Variants in ARAP2 observed in about 807,000 individuals in gnomAD.
The protein encoded by ARAP2 is ArfGAP with RhoGAP domain, ankyrin repeat and PH domain 2.
In ARAP2, 148 loss-of-function variants were observed where a neutral mutation model predicts 194.5. That is an observed-to-expected ratio of 0.76 (90% confidence interval 0.67 to 0.87). The LOEUF is 0.87. ARAP2 is among the 40% of genes least tolerant of loss of function. The probability of loss-of-function intolerance (pLI) is 0.00; values close to 1 mark genes in which losing one functional copy is unlikely to be tolerated. For missense variants in ARAP2, 2,128 were observed against 1,989.7 expected (o/e 1.07, Z -1.32); for synonymous variants, 695 against 683.5 (o/e 1.02, Z -0.26).
chr4:36,221,401 G>C (rs1017250556), intron 2 of ARAP2, among the ~76,000 whole-genome samples: 4 of 151,934 alleles, frequency 2.6e-5, no homozygotes, highest in Non-Finnish European at 5.9e-5. Context: ...GGTAAAATTG[G>C]CACAGAAAGG....
chr4:36,236,105 G>A (rs1752392169), intron 1 of ARAP2, among the ~76,000 whole-genome samples: 1 of 151,378 alleles, frequency 6.6e-6, no homozygotes, highest in Admixed American at 6.6e-5. Context: ...GTTGAGCTCA[G>A]GAGGAGGAGG....
intron 17 of ARAP2, 42 bp downstream of exon 17, chr4:36,148,363 A>T (rs1180233629): frequency 6.7e-7 from 1 of 1,486,150 alleles, no homozygotes; most frequent in Non-Finnish European, 9.3e-7. Flanking sequence ...CCCAGTTCAC[A>T]ATCTTCTCTG....
chr4:36,089,819 C>A (rs1481413500), intron 28 of ARAP2, among the ~76,000 whole-genome samples: 2 of 151,930 alleles, frequency 1.3e-5, no homozygotes, highest in African/African-American at 2.4e-5. Flanking sequence ...TCTTTATACT[C>A]CTGATATAAG....
intron 27 of ARAP2, among the ~76,000 whole-genome samples, chr4:36,102,236 T>C (rs1717146791): frequency 6.6e-6 from 1 of 152,012 alleles, no homozygotes; most frequent in South Asian, 2.1e-4. Context: ...AACTGAATTC[T>C]GTGGCTCCAT....
At chr4:36,069,940 C>G (rs1225422024) in intron 32 of ARAP2, among the ~76,000 whole-genome samples, 1 of 152,108 alleles carries the variant, frequency 6.6e-6, no homozygotes, top group African/African-American at 2.4e-5. Context: ...TTTCCCCCCT[C>G]TCTCTCTTGC....
intron 27 of ARAP2, among the ~76,000 whole-genome samples, chr4:36,100,558 T>G (rs1312760796): frequency 3.9e-5 from 6 of 152,094 alleles, no homozygotes; most frequent in Non-Finnish European, 7.4e-5. Context: ...CCTTCCAAAT[T>G]CAAAATTATG....
chr4:36,213,423 C>T (rs762860265), intron 3 of ARAP2, 104 bp from the exon 4 acceptor site: 48 of 793,898 alleles, frequency 6.0e-5, no homozygotes, highest in Non-Finnish European at 8.3e-5. Context: ...ATTATCACAA[C>T]GTAAGCTTTA....
chr4:36,131,622 C>A (rs146182925), intron 20 of ARAP2, among the ~76,000 whole-genome samples: 1 of 151,690 alleles, frequency 6.6e-6, no homozygotes, highest in Non-Finnish European at 1.5e-5. Context: ...TAAATAAACA[C>A]AAGGAAAATT....
chr4:36,052,135 A>C (rs890901684), intron 2 of ARAP2: 1 of 152,246 alleles, frequency 6.6e-6, no homozygotes, highest in Admixed American at 6.5e-5. Context: ...AGAGTCATTA[A>C]ACTTGTAAAT....
chr4:36,177,332 G>A (rs1241289871), intron 9 of ARAP2, among the ~76,000 whole-genome samples: 1 of 151,982 alleles, frequency 6.6e-6, no homozygotes, highest in African/African-American at 2.4e-5. Context: ...ATAGACGTGT[G>A]TGTGTATACA....
rs1435656516 is a variant in ARAP2, at chr4:36,107,567, C to A, written c.4283G>T (p.Ser1428Ile). The A allele has an allele frequency of 3.1e-6, 5 of 1,608,212 alleles. No homozygotes were observed. The Admixed American group carries it at 5.1e-5, about 16-fold the overall frequency. ...CAATGTGAAGTAATGACACCTACCA[C>A]TGCAGTGTTTAATTGTGTCAGCGGT... Reference protein sequence around the residue: ...FLTADTIKHCSDRSTLGSIKE... With the variant: ...FLTADTIKHCIDRSTLGSIKE... The change falls in exon 27 of 33, where the codon AGT becomes ATT. Residue 1428 changes from serine to isoleucine, a missense_variant and splice_region_variant. Coordinates refer to ENST00000303965, the MANE Select transcript of ARAP2 (RefSeq NM_015230.4).
chr4:36,084,766 TGCTGTGGTGACCAAAG>T (rs1439644511), intron 28 of ARAP2, among the ~76,000 whole-genome samples: 1 of 152,070 alleles, frequency 6.6e-6, no homozygotes, highest in Non-Finnish European at 1.5e-5. Flanking sequence ...TCAGAAATAA[TGCTGTGGTGACCAAAG>T]GCCTGGAATT....
intron 27 of ARAP2, among the ~76,000 whole-genome samples, chr4:36,103,589 A>T (rs142892619): frequency 1.3e-5 from 2 of 151,902 alleles, no homozygotes; most frequent in East Asian, 3.9e-4. Flanking sequence ...AAAATTGAGG[A>T]CTATTACCTT....
chr4:36,229,024 T>C lies in ARAP2; in HGVS notation c.463A>G (p.Thr155Ala). 1.2e-6 allele frequency: 2 copies of C among 1,614,094 alleles called. No homozygotes were observed. Among genetic ancestry groups the C allele is most frequent in the Non-Finnish European group, 8.5e-7 (1 of 1,179,994 alleles). ...KLSPPKRDFP[T>A]AEEPHLNLGS... Reference sequence around the variant, plus strand: ...AAATTCAGGTGTGGTTCCTCTGCAGTGGGGAAGTCGCGTTTAGGAGGAGAC... The same window carrying C: ...AAATTCAGGTGTGGTTCCTCTGCAGCGGGGAAGTCGCGTTTAGGAGGAGAC... Residue 155 changes from threonine to alanine, a missense_variant, in exon 2 of 33, where the codon ACT (threonine) becomes GCT (alanine). Transcript: ENST00000303965.
At chr4:36,091,051 C>A (rs1042631742) in intron 28 of ARAP2, among the ~76,000 whole-genome samples, 1 of 152,020 alleles carries the variant, frequency 6.6e-6, no homozygotes, top group African/African-American at 2.4e-5. Context: ...ATATATAATA[C>A]ACATATAAAA....
intron 3 of ARAP2, among the ~76,000 whole-genome samples, chr4:36,049,621 A>G (rs1722345102): frequency 6.6e-6 from 1 of 152,220 alleles, no homozygotes; most frequent in African/African-American, 2.4e-5. Context: ...TTAAAATTTC[A>G]AAGCTTTGAC....
intron 24 of ARAP2, 127 bp from the exon 25 acceptor site, chr4:36,117,262 T>G: frequency 1.7e-6 from 1 of 603,102 alleles, no homozygotes; most frequent in Non-Finnish European, 2.7e-6. Flanking sequence ...ACAAGCTCAA[T>G]TCCCCTGCTC....
chr4:36,140,137 A>AAC (rs759611545), intron 19 of ARAP2, among the ~76,000 whole-genome samples: 7 of 47,566 alleles, frequency 1.5e-4, no homozygotes, highest in African/African-American at 3.9e-4. Context: ...AAACAAAAAC[A>AAC]ATACACACAC....
chr4:36,132,027 AAAGT>A (rs1281247726), intron 20 of ARAP2, among the ~76,000 whole-genome samples: 3 of 151,848 alleles, frequency 2.0e-5, no homozygotes, highest in Non-Finnish European at 4.4e-5. Flanking sequence ...AATTACATAC[AAAGT>A]AAGAAAAATA....
Sources: gnomAD v4.1 joint callset for allele counts (sites outside exome capture counted in the v4.1 genomes callset) on GRCh38, gnomAD v4.1.1 for gene constraint, MANE v1.5 for transcripts, NCBI Gene and HGNC (gene_info 2026-07-23, HGNC 2026-07-21) for gene names.